AKAP13: variants seen among roughly 807,000 people sequenced by gnomAD.
AKAP13 encodes A-kinase anchoring protein 13, also known as A-kinase anchor protein 13.
AKAP13 carries 80 observed loss-of-function variants against 264.5 expected under a neutral mutation model. That is an observed-to-expected ratio of 0.30 (90% CI 0.25 to 0.36). The LOEUF is 0.36. Ranked by LOEUF, AKAP13 falls within the 10% of genes least tolerant of loss-of-function variation. The probability of loss-of-function intolerance (pLI) is 1.00; values close to 1 mark genes in which losing one functional copy is unlikely to be tolerated. For missense variants in AKAP13, 3,712 were observed against 3,435.2 expected, an observed-to-expected ratio of 1.08 and a Z score of -2.01; for synonymous variants, 1,380 against 1,250.2, an observed-to-expected ratio of 1.10 and a Z score of -2.19.
At chr15:85,476,293 G>A (rs1357854207) in intron 1 of AKAP13, among the ~76,000 whole-genome samples, 1 of 152,150 alleles carries the variant, frequency 6.6e-6, no homozygotes, top group Non-Finnish European at 1.5e-5. Flanking sequence ...CATGGTGGAT[G>A]GCTTCTGAGA....
At position 85,505,159 on chromosome 15, in the gene AKAP13, T is replaced by C. The variant is rs914305349; in HGVS notation, c.34-16269T>C. ...ATTAAAGGGACCATACATTAAATTATATCCAAACTTGAGTAGTTTTAATTT... is the reference window on the plus strand; with the variant it reads ...ATTAAAGGGACCATACATTAAATTACATCCAAACTTGAGTAGTTTTAATTT... On this transcript the variant is annotated intron_variant, in intron 2 of 36. Coordinates refer to ENST00000394518, the MANE Select transcript of AKAP13 (RefSeq NM_007200.5). 1.4e-4 allele frequency among the ~76,000 whole-genome samples: 21 copies of C among 152,372 alleles called. 1 individual carries two copies. Among genetic ancestry groups the C allele is most frequent in the Admixed American group, 4.6e-4 (7 of 15,308 alleles).
intron 19 of AKAP13, among the ~76,000 whole-genome samples, chr15:85,711,101 C>T (rs558297791): frequency 6.6e-6 from 1 of 152,148 alleles, no homozygotes; most frequent in Admixed American, 6.5e-5. Context: ...CTGCAACCTC[C>T]ACCTCCCTGG....
intron 1 of AKAP13, among the ~76,000 whole-genome samples, chr15:85,392,663 T>C (rs1596023258): frequency 6.6e-6 from 1 of 152,140 alleles, no homozygotes; most frequent in Admixed American, 6.5e-5. Context: ...ACTCCAGCCT[T>C]CCTAGTTGCT....
At position 85,545,523 on chromosome 15, in the gene AKAP13, C is replaced by A. The variant is rs1308943742; in HGVS notation, c.662+1568C>A. ...ACTTCTGTTACATGTGGGAAAGCCA[C>A]TTACCTCCTTTTGAAGGGAGATTGG... On this transcript the variant is annotated intron_variant, in intron 5 of 36. Transcript: ENST00000394518. Among the ~76,000 whole-genome samples, 4 of 152,320 alleles carry A rather than the reference C, an allele frequency of 2.6e-5. No homozygotes were observed. In the East Asian group the frequency reaches 7.7e-4, roughly 29 times the overall value.
At chr15:85,425,939 ATTTGT>A (rs1454133920) in intron 1 of AKAP13, among the ~76,000 whole-genome samples, 3 of 152,032 alleles carry the variant, frequency 2.0e-5, no homozygotes, top group Non-Finnish European at 4.4e-5. Context: ...ATTGCGAAGT[ATTTGT>A]TTTATGTGAA....
At chr15:85,636,091 A>G (rs1249266012) in intron 8 of AKAP13, among the ~76,000 whole-genome samples, 1 of 152,166 alleles carries the variant, frequency 6.6e-6, no homozygotes. Context: ...TTTTCTCAAC[A>G]ATGTTTTATA....
intron 1 of AKAP13, among the ~76,000 whole-genome samples, chr15:85,407,446 G>C (rs2071727071): frequency 6.6e-6 from 1 of 151,522 alleles, no homozygotes; most frequent in Admixed American, 6.6e-5. Flanking sequence ...CACCATGTTG[G>C]CCAGGCTGTT....
chr15:85,426,364 T>C (rs1596129782), intron 1 of AKAP13, among the ~76,000 whole-genome samples: 1 of 152,202 alleles, frequency 6.6e-6, no homozygotes, highest in Non-Finnish European at 1.5e-5. Flanking sequence ...TACTGTTTAG[T>C]GGGCTCTGTG....
intron 3 of AKAP13, among the ~76,000 whole-genome samples, chr15:85,524,659 C>T (rs116273169): frequency 0.019 from 2,852 of 152,186 alleles, 101 homozygotes; most frequent in African/African-American, 0.065. Context: ...AACCTTTTAT[C>T]AAATCAATAT....
intron 11 of AKAP13, among the ~76,000 whole-genome samples, chr15:85,658,062 T>G (rs2151526607): frequency 6.6e-6 from 1 of 152,258 alleles, no homozygotes; most frequent in African/African-American, 2.4e-5. Context: ...CTTCTTTTCA[T>G]CCTGCATAAT....
chr15:85,719,213 A>G lies in AKAP13; in HGVS notation c.6139A>G (p.Ser2047Gly), dbSNP rs2151721288. The change falls in exon 23 of 37, where the codon AGT becomes GGT. Residue 2047 changes from serine (S) to glycine (G), a missense_variant. This residue lies in a region of AKAP13 where 342 missense variants were observed against 484.3 expected (regional missense o/e 0.71). Transcript: ENST00000394518. The part of the protein sequence containing the change: ...KLFPCLDELI[S>G]IHSQFFQRIL... ...GTTCCCCTGTTTGGATGAGCTGATC[A>G]GTATCCATAGCCAATTCTTCCAGAG... 3.7e-6 allele frequency: 6 copies of G among 1,614,218 alleles called. No homozygotes were observed. The highest frequency in any genetic ancestry group is 5.1e-6 in the Non-Finnish European group (6 of 1,180,026).
At chr15:85,735,429 C>A in intron 31 of AKAP13, 131 bp from the exon 32 acceptor site, 1 of 953,572 alleles carries the variant, frequency 1.0e-6, no homozygotes, top group Non-Finnish European at 1.6e-6. Context: ...TGCCACCAAG[C>A]AGCTCCCCCT....
intron 16 of AKAP13, among the ~76,000 whole-genome samples, chr15:85,687,270 CTCA>C (rs1300311895): frequency 6.6e-6 from 1 of 152,174 alleles, no homozygotes; most frequent in Non-Finnish European, 1.5e-5. Context: ...GGAAGTAGTA[CTCA>C]TCATTTTGTG....
chr15:85,655,379 T>C, intron 10 of AKAP13, 38 bp from the exon 11 acceptor site: 1 of 1,587,688 alleles, frequency 6.3e-7, no homozygotes, highest in Non-Finnish European at 8.6e-7. Context: ...TGATTGGCCC[T>C]GCTGGCTTCA....
intron 35 of AKAP13, among the ~76,000 whole-genome samples, chr15:85,742,437 A>C (rs962468632): frequency 1.3e-4 from 20 of 152,210 alleles, no homozygotes; most frequent in Admixed American, 1.1e-3. Flanking sequence ...GGAAGAACCC[A>C]TGTGGCAGGA....
chr15:85,631,257 C>G (rs1429981219), intron 8 of AKAP13, among the ~76,000 whole-genome samples: 2 of 152,066 alleles, frequency 1.3e-5, no homozygotes, highest in East Asian at 3.8e-4. Context: ...ATTCGTGGCT[C>G]TCTAGGCACT....
At chr15:85,592,046 C>CTTTTTTTTTTTTT (rs386383662) in intron 8 of AKAP13, among the ~76,000 whole-genome samples, 1 of 105,270 alleles carries the variant, frequency 9.5e-6, no homozygotes. Context: ...GAACCATGAT[C>CTTTTTTTTTTTTT]TTTTTTTTTT....
chr15:85,624,047 G>A (rs1331765867), intron 8 of AKAP13, among the ~76,000 whole-genome samples: 1 of 152,158 alleles, frequency 6.6e-6, no homozygotes, highest in African/African-American at 2.4e-5. Context: ...GAGGACAGCA[G>A]GTATCAGAAA....
Position 85,611,714 on chromosome 15 carries a change from A to G in AKAP13, c.4161+25891A>G, listed in dbSNP as rs181161338. Among the ~76,000 whole-genome samples the G allele has an allele frequency of 4.5e-3, 689 of 152,256 alleles. 7 individuals are homozygous for G. The highest frequency in any genetic ancestry group is 6.8e-3 in the Middle Eastern group (2 of 294). ...TAACAACTCTTCGATTGCTTTTCCTATTGTAGCGACAATACACTTGTGAAC... is the reference window on the plus strand; with the variant it reads ...TAACAACTCTTCGATTGCTTTTCCTGTTGTAGCGACAATACACTTGTGAAC... On this transcript the variant is annotated intron_variant, in intron 8 of 36. Coordinates refer to ENST00000394518, the MANE Select transcript of AKAP13 (RefSeq NM_007200.5).
Sources: allele counts gnomAD v4.1 joint callset (sites outside exome capture counted in the v4.1 genomes callset), GRCh38; gene constraint gnomAD v4.1.1; regional missense constraint gnomAD v4.1.1; transcripts MANE v1.5; gene names NCBI Gene and HGNC (gene_info 2026-07-23, HGNC 2026-07-21).